RINT1: variants seen among roughly 807,000 people sequenced by gnomAD.
RINT1 encodes the protein RAD50 interactor 1.
In RINT1, 75 loss-of-function variants were observed where a neutral mutation model predicts 97.7. The observed-to-expected ratio is 0.77, with a 90% CI of 0.64 to 0.93. RINT1 has a LOEUF of 0.93. Among genes scored for constraint, RINT1 ranks in the 40% least tolerant of loss-of-function variants. RINT1 has a pLI of 0.00. For synonymous variants in RINT1, 303 were observed against 326.3 expected, an observed-to-expected ratio of 0.93 and a Z score of 0.77; for missense variants, 892 against 925.2, an observed-to-expected ratio of 0.96 and a Z score of 0.47.
Position 105,542,637 on chromosome 7 carries a change from T to C in RINT1, c.503T>C (p.Ile168Thr), listed in dbSNP as rs1163153405. 3 of 1,612,962 alleles carry C rather than the reference T, an allele frequency of 1.9e-6. No homozygotes were observed. Among genetic ancestry groups the C allele is most frequent in the Admixed American group, 1.7e-5 (1 of 59,758 alleles). Residue 168 changes from isoleucine to threonine, a missense_variant, in exon 4 of 15, where the codon ATT becomes ACT. By Grantham distance (89) the Ile-to-Thr change is moderately conservative. Coordinates refer to ENST00000257700, the MANE Select transcript of RINT1 (RefSeq NM_021930.6). ...HLAYLKWISQ[I>T]EELSDNIQQY... ...GCTTACCTTAAATGGATTTCACAAA[T>C]TGAAGAACTAAGGTAAAATGGGCCT... is the stretch of plus-strand genomic sequence containing the variant.
intron 4 of RINT1, among the ~76,000 whole-genome samples, chr7:105,544,366 G>A (rs1790575448): frequency 6.6e-6 from 1 of 151,440 alleles, no homozygotes. Flanking sequence ...AACTAAATTA[G>A]GTCCATGGTT....
intron 9 of RINT1, 30 bp from the exon 10 acceptor site, chr7:105,551,536 CTTAA>C (rs762973411): frequency 3.9e-6 from 6 of 1,537,768 alleles, no homozygotes; most frequent in Non-Finnish European, 4.4e-6. Context: ...ACTGTAACTA[CTTAA>C]TTGACATAAT....
At chr7:105,534,380 T>C (rs1790147718) in intron 2 of RINT1, among the ~76,000 whole-genome samples, 1 of 152,078 alleles carries the variant, frequency 6.6e-6, no homozygotes, top group Non-Finnish European at 1.5e-5. Flanking sequence ...GTGTAATTTT[T>C]TTTAAAAAAT....
At chr7:105,566,682 G>C (rs1472613726) in intron 14 of RINT1, 1 of 151,848 alleles carries the variant, frequency 6.6e-6, no homozygotes, top group African/African-American at 2.4e-5. Context: ...GGTTTTGTGA[G>C]GTTATAAAGC....
At chr7:105,566,918 TTATAG>T (rs999091317) in intron 14 of RINT1, 196 bp from the exon 15 acceptor site, 4 of 369,658 alleles carry the variant, frequency 1.1e-5, no homozygotes, top group African/African-American at 4.2e-5. Context: ...TCGTATTACC[TTATAG>T]TAATCTAAAG....
In RINT1 at chr7:105,558,686, A is replaced by G. The variant is rs76830214; in HGVS notation, c.1671+3459A>G. Among the ~76,000 whole-genome samples the G allele has an allele frequency of 6.0e-3, 906 of 152,190 alleles. 16 individuals carry two copies. Among genetic ancestry groups the G allele is most frequent in the East Asian group, 0.035 (182 of 5,158 alleles). ...AAAAAATACAAAAAATTAGCTGAGCATGGTGGCGTACCCCTGTAGTCCTAG... is the reference window on the plus strand; with the variant it reads ...AAAAAATACAAAAAATTAGCTGAGCGTGGTGGCGTACCCCTGTAGTCCTAG... On this transcript the variant is annotated intron_variant, in intron 11 of 14. Coordinates refer to ENST00000257700, the MANE Select transcript of RINT1 (RefSeq NM_021930.6).
In RINT1 at chr7:105,565,264, G is replaced by T. The variant is rs1362750387; in HGVS notation, c.1887-13G>T. 6.4e-7 allele frequency: 1 copy of T among 1,557,244 alleles called. No individual in the cohort carries two copies. On this transcript the variant is annotated splice_polypyrimidine_tract_variant and intron_variant, in intron 12 of 14. Coordinates refer to ENST00000257700, the MANE Select transcript of RINT1 (RefSeq NM_021930.6). ...CTGATGAAAATTTTTTGGTAAAAAT[G>T]TGTTTTTTCCAGATGGTTGTCCTTG... is the stretch of plus-strand genomic sequence containing the variant.
intron 4 of RINT1, 69 bp from the exon 5 acceptor site, chr7:105,546,841 C>G (rs1790686324): frequency 8.2e-7 from 1 of 1,216,246 alleles, no homozygotes; most frequent in Non-Finnish European, 1.2e-6. Flanking sequence ...TGCCACTGCA[C>G]TCCAACCTGG....
intron 12 of RINT1, 82 bp downstream of exon 12, chr7:105,564,029 G>A (rs1241178858): frequency 2.1e-6 from 2 of 964,624 alleles, no homozygotes; most frequent in African/African-American, 3.3e-5. Context: ...AAGGTGTCTA[G>A]ATAGAACCCG....
chr7:105,542,924 C>T (rs1226882434), intron 4 of RINT1, among the ~76,000 whole-genome samples: 5 of 150,368 alleles, frequency 3.3e-5, no homozygotes, highest in East Asian at 1.9e-4. Flanking sequence ...CTCGCTCTGT[C>T]GCCCAGCTGG....
intron 11 of RINT1, among the ~76,000 whole-genome samples, chr7:105,558,252 G>T (rs940395633): frequency 6.8e-6 from 1 of 146,048 alleles, no homozygotes; most frequent in Non-Finnish European, 1.5e-5. Context: ...CTGAGAATAC[G>T]CCATTGCACT....
At position 105,567,587 on chromosome 7, in the gene RINT1, A is replaced by C. The variant is rs946730766; in HGVS notation, c.*276A>C. The C allele has an allele frequency of 3.7e-5, 22 of 595,340 alleles. No individual in the cohort carries two copies. The Admixed American group carries it at 5.4e-4, about 15-fold the overall frequency. 36.9% of individuals were successfully genotyped at this position (595,340 alleles called of 1,614,324 possible). ...TCTGTTGAAGACGAGCAGAGATATT[A>C]AATTATAACCAACTTTCAATTTCCT... On this transcript the variant is annotated 3_prime_UTR_variant, in exon 15 of 15. Coordinates refer to ENST00000257700, the MANE Select transcript of RINT1 (RefSeq NM_021930.6).
At chr7:105,535,963 C>T (rs1353883390) in intron 2 of RINT1, among the ~76,000 whole-genome samples, 1 of 152,224 alleles carries the variant, frequency 6.6e-6, no homozygotes, top group Non-Finnish European at 1.5e-5. Flanking sequence ...CTGGATCACA[C>T]TTTAGGAATT....
At position 105,537,750 on chromosome 7, in the gene RINT1, C is replaced by T. The variant is rs550941702; in HGVS notation, c.273+1001C>T. Among the ~76,000 whole-genome samples, 6 of 151,700 alleles carry T rather than the reference C, an allele frequency of 4.0e-5. No individual in the cohort carries two copies. In the South Asian group the frequency reaches 8.4e-4, roughly 21 times the overall value. On this transcript the variant is annotated intron_variant, in intron 3 of 14. Transcript: ENST00000257700. ...ACTCGGGAGGCTGAGGCAGGAGAAT[C>T]GCTTGAACCCAGGAGGCGGAGTTTG...
intron 3 of RINT1, among the ~76,000 whole-genome samples, chr7:105,539,147 TA>T (rs1246629301): frequency 1.3e-5 from 2 of 152,180 alleles, no homozygotes; most frequent in Non-Finnish European, 2.9e-5. Flanking sequence ...TATTGAACCT[TA>T]AATTCAGCAT....
intron 3 of RINT1, among the ~76,000 whole-genome samples, chr7:105,537,971 G>T (rs1790313083): frequency 6.6e-6 from 1 of 151,932 alleles, no homozygotes; most frequent in African/African-American, 2.4e-5. Flanking sequence ...CTTGGCAATG[G>T]TGTGTTTGTC....
chr7:105,541,292 A>G (rs1790447798), intron 3 of RINT1, among the ~76,000 whole-genome samples: 1 of 149,830 alleles, frequency 6.7e-6, no homozygotes, highest in Admixed American at 6.7e-5. Context: ...GTGTGCCACC[A>G]AACCTGGCTA....
At chr7:105,552,176 T>C (rs1395533598) in intron 10 of RINT1, among the ~76,000 whole-genome samples, 3 of 152,180 alleles carry the variant, frequency 2.0e-5, no homozygotes, top group Non-Finnish European at 4.4e-5. Flanking sequence ...TTCTAACTTT[T>C]GGGTTTTTAA....
chr7:105,567,444 T>C lies in RINT1; in HGVS notation c.*133T>C, dbSNP rs1791817424. Reference sequence around the variant, plus strand: ...ATAGAATTACTTATTATCTTGGATTTATGGTGTTATTAAAATGCTGACCAT... The same window carrying C: ...ATAGAATTACTTATTATCTTGGATTCATGGTGTTATTAAAATGCTGACCAT... On this transcript the variant is annotated 3_prime_UTR_variant, in exon 15 of 15. Transcript: ENST00000257700. 1 of 746,318 alleles carries C rather than the reference T, an allele frequency of 1.3e-6. No homozygotes were observed. The highest frequency in any genetic ancestry group is 2.3e-6 in the Non-Finnish European group (1 of 428,662). The allele number at this position is 746,318 out of a possible 1,614,324, so 46.2% of individuals were successfully genotyped here.
Sources: gnomAD v4.1 joint callset for allele counts (sites outside exome capture counted in the v4.1 genomes callset) on GRCh38, gnomAD v4.1.1 for gene constraint, MANE v1.5 for transcripts, NCBI Gene and HGNC (gene_info 2026-07-23, HGNC 2026-07-21) for gene names.